CSMD3: variants seen among roughly 807,000 people sequenced by gnomAD.
The protein encoded by CSMD3 is CUB and Sushi multiple domains 3, also known as CUB and sushi domain-containing protein 3.
CSMD3 carries 177 observed loss-of-function variants against 435.2 expected under a neutral mutation model. The observed-to-expected ratio is 0.41, with a 90% CI of 0.36 to 0.46. The LOEUF (loss-of-function observed/expected upper bound fraction) is 0.46, where lower values mean the gene tolerates loss of function less well. Among genes scored for constraint, CSMD3 ranks in the 20% least tolerant of loss-of-function variants. The probability of loss-of-function intolerance (pLI) is 0.34; values close to 1 mark genes in which losing one functional copy is unlikely to be tolerated. For synonymous variants in CSMD3, 1,656 were observed against 1,520.5 expected, an observed-to-expected ratio of 1.09 and a Z score of -2.07; for missense variants, 4,265 against 4,504.6, an observed-to-expected ratio of 0.95 and a Z score of 1.52.
chr8:112,531,232 C>T (rs1210985572), intron 27 of CSMD3, among the ~76,000 whole-genome samples: 1 of 152,132 alleles, frequency 6.6e-6, no homozygotes, highest in Non-Finnish European at 1.5e-5. Context: ...CAGGCCACTG[C>T]TCCCATCAAT....
intron 4 of CSMD3, among the ~76,000 whole-genome samples, chr8:113,110,011 C>T (rs13267721): frequency 0.15 from 23,514 of 152,138 alleles, 2,561 homozygotes; most frequent in Non-Finnish European, 0.24. Flanking sequence ...CCATAAGTAT[C>T]CCCAGTCCCT....
At position 112,502,396 on chromosome 8, in the gene CSMD3, G is replaced by T. The variant is rs141657749; in HGVS notation, c.5083+1394C>A. On this transcript the variant is annotated intron_variant, in intron 30 of 70. Coordinates refer to ENST00000297405, the MANE Select transcript of CSMD3 (RefSeq NM_198123.2). ...TTTCTTGTGAAATGAGAGACTTACG[G>T]AGGGATCAAGCTTTCCACTGGAATG... 6.7e-3 allele frequency among the ~76,000 whole-genome samples: 1,018 copies of T among 152,304 alleles called. 13 individuals carry two copies. Among genetic ancestry groups the T allele is most frequent in the African/African-American group, 0.023 (957 of 41,546 alleles).
chr8:112,888,354 G>A (rs936154731), intron 10 of CSMD3, among the ~76,000 whole-genome samples: 4 of 151,582 alleles, frequency 2.6e-5, no homozygotes. Flanking sequence ...GGCTAACGTA[G>A]GCTTAAAGCC....
intron 1 of CSMD3, among the ~76,000 whole-genome samples, chr8:113,327,820 C>A (rs1361995128): frequency 6.6e-6 from 1 of 151,744 alleles, no homozygotes; most frequent in Non-Finnish European, 1.5e-5. Flanking sequence ...CTGCCTGAAG[C>A]TTCTGTGTAA....
intron 13 of CSMD3, among the ~76,000 whole-genome samples, chr8:112,788,088 C>T (rs2078597223): frequency 6.6e-6 from 1 of 151,930 alleles, no homozygotes; most frequent in Admixed American, 6.6e-5. Flanking sequence ...TACCATGTAC[C>T]CATAAAAATG....
chr8:113,309,825 C>A (rs1305149034), intron 2 of CSMD3: 2 of 152,140 alleles, frequency 1.3e-5, no homozygotes, highest in Non-Finnish European at 2.9e-5. Flanking sequence ...CTGTTTTCCA[C>A]AACTGAGGTT....
Position 112,635,017 on chromosome 8 carries a change from G to A in CSMD3, c.3715+1800C>T, listed in dbSNP as rs528944718. On this transcript the variant is annotated intron_variant, in intron 22 of 70. Coordinates refer to ENST00000297405, the MANE Select transcript of CSMD3 (RefSeq NM_198123.2). The stretch of plus-strand genomic sequence containing the variant: ...AAGAGATAATAATATCAGGATTTTA[G>A]TAAGGATTAAATGAGATGACTTTAC... 5.3e-5 allele frequency among the ~76,000 whole-genome samples: 8 copies of A among 152,102 alleles called. No individual in the cohort carries two copies. The East Asian group carries it at 1.5e-3, about 29-fold the overall frequency.
chr8:113,388,145 A>C (rs143752295), intron 1 of CSMD3, among the ~76,000 whole-genome samples: 1 of 151,862 alleles, frequency 6.6e-6, no homozygotes, highest in East Asian at 1.9e-4. Context: ...GTATATAGGT[A>C]ACACAGAGCT....
intron 5 of CSMD3, among the ~76,000 whole-genome samples, chr8:113,034,751 C>A (rs879428637): frequency 2.6e-5 from 4 of 151,876 alleles, no homozygotes; most frequent in Admixed American, 2.6e-4. Context: ...AGAGAATATA[C>A]CATGCAAATA....
At chr8:112,987,851 A>G (rs1587833507) in intron 6 of CSMD3, among the ~76,000 whole-genome samples, 1 of 151,968 alleles carries the variant, frequency 6.6e-6, no homozygotes, top group African/African-American at 2.4e-5. Context: ...AATTTTCTCT[A>G]TATTCCCTCC....
At chr8:113,306,998 T>C (rs1224479509) in intron 2 of CSMD3, among the ~76,000 whole-genome samples, 1 of 151,852 alleles carries the variant, frequency 6.6e-6, no homozygotes, top group Non-Finnish European at 1.5e-5. Flanking sequence ...AAATACTGGG[T>C]AAAGAATTGA....
At chr8:112,961,283 T>C (rs1233332016) in intron 7 of CSMD3, among the ~76,000 whole-genome samples, 2 of 152,014 alleles carry the variant, frequency 1.3e-5, no homozygotes, top group African/African-American at 4.8e-5. Context: ...ATATTATCTA[T>C]GTTCTCTGAA....
At chr8:112,411,950 G>A (rs10111619) in intron 32 of CSMD3, among the ~76,000 whole-genome samples, 89 of 152,158 alleles carry the variant, frequency 5.8e-4, no homozygotes, top group African/African-American at 2.1e-3. Flanking sequence ...GTGTTAAATG[G>A]AGACTGTGGT....
chr8:113,259,163 C>G (rs1318355384), intron 3 of CSMD3, among the ~76,000 whole-genome samples: 2 of 152,282 alleles, frequency 1.3e-5, no homozygotes, highest in East Asian at 3.9e-4. Context: ...GGCCATATAG[C>G]CTTGTCATGC....
chr8:113,108,195 C>G (rs2090537167), intron 4 of CSMD3, among the ~76,000 whole-genome samples: 1 of 151,890 alleles, frequency 6.6e-6, no homozygotes, highest in African/African-American at 2.4e-5. Flanking sequence ...TTCGGGAGGC[C>G]AAGGCAGGTG....
At chr8:113,362,491 A>G (rs1267990595) in intron 1 of CSMD3, among the ~76,000 whole-genome samples, 1 of 152,200 alleles carries the variant, frequency 6.6e-6, no homozygotes, top group African/African-American at 2.4e-5. Flanking sequence ...CTTAACTAGA[A>G]AGTCACCATC....
intron 3 of CSMD3, among the ~76,000 whole-genome samples, chr8:113,246,545 T>C (rs2093278120): frequency 6.6e-6 from 1 of 152,148 alleles, no homozygotes; most frequent in African/African-American, 2.4e-5. Context: ...TTATTTAAAG[T>C]CTTTGTCTAG....
intron 24 of CSMD3, among the ~76,000 whole-genome samples, chr8:112,561,126 G>T (rs1828585643): frequency 6.6e-6 from 1 of 151,598 alleles, no homozygotes; most frequent in Admixed American, 6.6e-5. Flanking sequence ...TGTCCAAATT[G>T]GTGGAATTAT....
chr8:113,390,158 T>G (rs1270715868), intron 1 of CSMD3, among the ~76,000 whole-genome samples: 2 of 151,822 alleles, frequency 1.3e-5, no homozygotes, highest in Non-Finnish European at 2.9e-5. Context: ...TCTTTCCACT[T>G]ATAGTGAACT....
Sources: allele counts gnomAD v4.1 joint callset (sites outside exome capture counted in the v4.1 genomes callset), GRCh38; gene constraint gnomAD v4.1.1; transcripts MANE v1.5; gene names NCBI Gene and HGNC (gene_info 2026-07-23, HGNC 2026-07-21).